ZFHX3: variants seen among roughly 807,000 people sequenced by gnomAD.
ZFHX3 encodes zinc finger homeobox protein 3.
A neutral mutation model predicts 279.1 loss-of-function variants in ZFHX3; 42 were observed. That is an observed-to-expected ratio of 0.15 (90% CI 0.12 to 0.19). ZFHX3 has a LOEUF of 0.19. ZFHX3 is among the 10% of genes least tolerant of loss of function. The pLI is 1.00. For missense variants in ZFHX3, 4,981 were observed against 4,754.0 expected, an observed-to-expected ratio of 1.05 and a Z score of -1.40; for synonymous variants, 2,293 against 1,957.8, an observed-to-expected ratio of 1.17 and a Z score of -4.52.
intron 3 of ZFHX3, among the ~76,000 whole-genome samples, chr16:73,334,819 T>C (rs1285782414): frequency 3.7e-5 from 5 of 136,106 alleles, no homozygotes; most frequent in African/African-American, 1.1e-4. Context: ...TCTTTTTTTT[T>C]TTTTTTTTTT....
rs768494558 is a variant in ZFHX3 at position 72,788,662 on chromosome 16, GGTT to G, written c.9611_9613del (p.Gln3204del). ...CGGCGGGGGAGGCTGCTGCACCTGT[GGTT>G]GCTGCTGCTGCTGCTGCTGCTGGGG... On this transcript the variant is annotated inframe_deletion, in exon 10 of 10. Transcript: ENST00000268489. The G allele has an allele frequency of 2.5e-6, 4 of 1,607,120 alleles. No homozygotes were observed. In the South Asian group the frequency reaches 4.4e-5, roughly 18 times the overall value.
chr16:73,465,446 G>T (rs926464991), intron 2 of ZFHX3, among the ~76,000 whole-genome samples: 1 of 152,138 alleles, frequency 6.6e-6, no homozygotes, highest in African/African-American at 2.4e-5. Flanking sequence ...CACCTCGAAA[G>T]CTGCCTCGCC....
At chr16:72,928,194 A>AGGGGAGAGAGGGAGGGGGAG (rs1567588651) in intron 3 of ZFHX3, among the ~76,000 whole-genome samples, 1 of 4,508 alleles carries the variant, frequency 2.2e-4, no homozygotes, top group Non-Finnish European at 4.1e-4. Context: ...AGGGAGGGGG[A>AGGGGAGAGAGGGAGGGGGAG]GGGGAGCGAG....
chr16:73,239,390 T>C (rs1053130683), intron 5 of ZFHX3, among the ~76,000 whole-genome samples: 3 of 152,244 alleles, frequency 2.0e-5, no homozygotes, highest in African/African-American at 7.2e-5. Context: ...GAACTTCCTT[T>C]GCAGAGTTCC....
intron 2 of ZFHX3, among the ~76,000 whole-genome samples, chr16:73,667,140 C>T (rs576956284): frequency 2.9e-4 from 44 of 151,960 alleles, no homozygotes; most frequent in Non-Finnish European, 5.6e-4. Flanking sequence ...TACAGGTGCC[C>T]GCCACCACGC....
At chr16:73,353,377 C>T (rs1440926362) in intron 3 of ZFHX3, among the ~76,000 whole-genome samples, 3 of 152,200 alleles carry the variant, frequency 2.0e-5, no homozygotes, top group Non-Finnish European at 4.4e-5. Flanking sequence ...ACCCAGGATC[C>T]TGCTTGGCTC....
At chr16:73,353,827 T>C in intron 3 of ZFHX3, among the ~76,000 whole-genome samples, 1 of 152,366 alleles carries the variant, frequency 6.6e-6, no homozygotes. Context: ...AATACGTTAT[T>C]AATACTTAAT....
At chr16:73,882,431 T>C (rs910374346) in intron 1 of ZFHX3, among the ~76,000 whole-genome samples, 3 of 152,108 alleles carry the variant, frequency 2.0e-5, no homozygotes, top group Admixed American at 6.6e-5. Flanking sequence ...ATCAGTGAAC[T>C]TATATTTAAG....
chr16:73,450,521 A>G (rs1292326690), intron 3 of ZFHX3, among the ~76,000 whole-genome samples: 1 of 152,176 alleles, frequency 6.6e-6, no homozygotes, highest in Non-Finnish European at 1.5e-5. Flanking sequence ...TGTGGTTTTC[A>G]TCTTCGTGTT....
intron 1 of ZFHX3, among the ~76,000 whole-genome samples, chr16:73,752,824 A>G (rs2053773177): frequency 6.6e-6 from 1 of 152,150 alleles, no homozygotes; most frequent in Non-Finnish European, 1.5e-5. Flanking sequence ...AGTACTCCCT[A>G]GTATGGACAC....
chr16:73,370,270 G>A (rs902129746), intron 3 of ZFHX3, among the ~76,000 whole-genome samples: 4 of 152,310 alleles, frequency 2.6e-5, no homozygotes, highest in South Asian at 2.1e-4. Context: ...TGTCAGCTTC[G>A]GGAGTCAGAA....
At position 73,447,137 on chromosome 16, in the gene ZFHX3, C is replaced by T. The variant is rs374774759; in HGVS notation, c.-1291+8866G>A. On this transcript the variant is annotated intron_variant, in intron 3 of 17. Coordinates refer to the ZFHX3 transcript ENST00000641206. ...CGGAGCTTGCAGTCAGCCGAGATCA[C>T]GCCACTGCACTCCAGCCTGGGCAAC... 8.0e-5 allele frequency among the ~76,000 whole-genome samples: 12 copies of T among 149,246 alleles called. No homozygotes were observed. The East Asian group carries it at 1.4e-3, about 17-fold the overall frequency.
intron 4 of ZFHX3, among the ~76,000 whole-genome samples, chr16:73,257,370 C>T (rs948304242): frequency 6.6e-6 from 1 of 152,202 alleles, no homozygotes; most frequent in Non-Finnish European, 1.5e-5. Context: ...TGTGTCTTGA[C>T]AAGGGCCATT....
chr16:72,794,661 A>G lies in ZFHX3; in HGVS notation c.8021T>C (p.Ile2674Thr). ...SNPTRKMLDH[I>T]AHEVGLKKRV... Reference sequence around the variant, plus strand: ...TTTCTTCAAGCCCACCTCGTGTGCAATGTGATCCAACATCTTTCGAGTCGG... The same window carrying G: ...TTTCTTCAAGCCCACCTCGTGTGCAGTGTGATCCAACATCTTTCGAGTCGG... The change falls in exon 9 of 10, where the codon ATT becomes ACT. Residue 2674 changes from isoleucine to threonine, a missense_variant. By Grantham distance (89) the Ile-to-Thr change is moderately conservative. Transcript: ENST00000268489. The surrounding 1 kb of genome is among the most constrained non-coding windows in gnomAD (Gnocchi z 4.2). 6.2e-7 allele frequency: 1 copy of G among 1,614,226 alleles called. No individual in the cohort carries two copies. The highest frequency in any genetic ancestry group is 8.5e-7 in the Non-Finnish European group (1 of 1,180,040).
intron 1 of ZFHX3, among the ~76,000 whole-genome samples, chr16:73,688,356 C>CAAAAAA (rs61469980): frequency 9.6e-6 from 1 of 103,748 alleles, no homozygotes; most frequent in Non-Finnish European, 1.9e-5. Context: ...GACTCCATCT[C>CAAAAAA]AAAAAAAAAA....
chr16:73,665,494 A>C (rs7188237), intron 2 of ZFHX3, among the ~76,000 whole-genome samples: 1 of 151,768 alleles, frequency 6.6e-6, no homozygotes, highest in South Asian at 2.1e-4. Flanking sequence ...GATTACAGGC[A>C]TGAGCCACCA....
intron 2 of ZFHX3, among the ~76,000 whole-genome samples, chr16:73,619,770 A>C (rs2052340542): frequency 6.6e-6 from 1 of 151,634 alleles, no homozygotes; most frequent in Non-Finnish European, 1.5e-5. Context: ...CCCCACTCCC[A>C]CCCACTTCCA....
At chr16:73,438,028 T>C (rs1465963875) in intron 3 of ZFHX3, among the ~76,000 whole-genome samples, 1 of 152,136 alleles carries the variant, frequency 6.6e-6, no homozygotes, top group African/African-American at 2.4e-5. Flanking sequence ...GAGTTGGGTG[T>C]TCTAATAGAG....
chr16:72,960,036 C>T lies in ZFHX3; in HGVS notation c.110G>A (p.Ser37Asn). The change falls in exon 2 of 10, where the codon AGT becomes AAT. Residue 37 changes from serine (S) to asparagine (N), a missense_variant. Physicochemically the swap from Ser to Asn is conservative, Grantham distance 46. Coordinates refer to ENST00000268489, the MANE Select transcript of ZFHX3 (RefSeq NM_006885.4). ...CTCGCCTGTGGACTGCTCCATGCTA[C>T]TGGGTTTGTCAGGGAGGTGGGTGCT... ...LNSTHLPDKPSSMEQSTGESH... is the reference protein window; with the variant it reads ...LNSTHLPDKPNSMEQSTGESH... 6.2e-7 allele frequency: 1 copy of T among 1,614,050 alleles called. No homozygotes were observed. Among genetic ancestry groups the T allele is most frequent in the East Asian group, 2.2e-5 (1 of 44,858 alleles).
Sources: allele counts gnomAD v4.1 joint callset (sites outside exome capture counted in the v4.1 genomes callset), GRCh38; gene constraint gnomAD v4.1.1; non-coding constraint Gnocchi (gnomAD v3.1); transcripts MANE v1.5; gene names NCBI Gene and HGNC (gene_info 2026-07-23, HGNC 2026-07-21).